The following GLIS3 variants were observed in gnomAD, a reference collection of about 807,000 sequenced individuals.
The protein encoded by GLIS3 is zinc finger protein GLIS3.
A neutral mutation model predicts 78.6 loss-of-function variants in GLIS3; 53 were observed. The observed-to-expected ratio is 0.67, with a 90% CI of 0.54 to 0.85. The LOEUF is 0.85. GLIS3 is among the 40% of genes least tolerant of loss of function. The probability of loss-of-function intolerance (pLI) is 0.00; values close to 1 mark genes in which losing one functional copy is unlikely to be tolerated. For missense variants in GLIS3, 1,703 were observed against 1,231.1 expected (o/e 1.38, Z -5.74); for synonymous variants, 684 against 509.9 (o/e 1.34, Z -4.60).
At chr9:4,471,574 T>C in the GLIS3 span, among the ~76,000 whole-genome samples, 2 of 152,086 alleles carry the variant, frequency 1.3e-5, no homozygotes, top group African/African-American at 4.8e-5. Context: ...TGAAATTGGA[T>C]CCCTTCCTTA....
At chr9:4,011,800 T>C (rs1174567806) in intron 4 of GLIS3, among the ~76,000 whole-genome samples, 3 of 152,356 alleles carry the variant, frequency 2.0e-5, no homozygotes. Flanking sequence ...CCTGAAACTC[T>C]AGGTATTCAT....
intron 2 of GLIS3, among the ~76,000 whole-genome samples, chr9:4,311,798 G>C (rs1056974414): frequency 7.2e-5 from 11 of 152,224 alleles, no homozygotes; most frequent in Non-Finnish European, 1.5e-4. Context: ...CAGGAGCAGG[G>C]AAAGTGGTTA....
chr9:4,414,688 C>T, the GLIS3 span, among the ~76,000 whole-genome samples: 13 of 152,154 alleles, frequency 8.5e-5, no homozygotes, highest in East Asian at 1.4e-3. Context: ...CCTCCTAGCC[C>T]ATCTGTGCAC....
chr9:3,993,363 G>T (rs991006983), intron 4 of GLIS3, among the ~76,000 whole-genome samples: 1 of 152,044 alleles, frequency 6.6e-6, no homozygotes, highest in South Asian at 2.1e-4. Context: ...TTTAAAAGTA[G>T]CTTATTTTCT....
intron 2 of GLIS3, among the ~76,000 whole-genome samples, chr9:4,251,790 G>C (rs1400618478): frequency 6.6e-6 from 1 of 152,156 alleles, no homozygotes; most frequent in African/African-American, 2.4e-5. Flanking sequence ...GCTTTTGTAA[G>C]GCAGGCCTGG....
chr9:4,437,043 G>T, the GLIS3 span, among the ~76,000 whole-genome samples: 136 of 152,210 alleles, frequency 8.9e-4, 1 homozygote, highest in African/African-American at 3.1e-3. Context: ...AGAAGAGGAA[G>T]AATTTTCTAG....
chr9:4,179,210 G>C (rs1471231538), intron 2 of GLIS3, among the ~76,000 whole-genome samples: 1 of 152,188 alleles, frequency 6.6e-6, no homozygotes, highest in Non-Finnish European at 1.5e-5. Flanking sequence ...CCAAACATGA[G>C]AAACTTATTA....
chr9:4,069,332 A>G (rs1035580574), intron 4 of GLIS3, among the ~76,000 whole-genome samples: 2 of 152,208 alleles, frequency 1.3e-5, no homozygotes, highest in Admixed American at 6.5e-5. Flanking sequence ...TAGCTGAGCT[A>G]TTGGATCGGC....
At chr9:4,064,500 G>C (rs1826927738) in intron 4 of GLIS3, among the ~76,000 whole-genome samples, 1 of 152,062 alleles carries the variant, frequency 6.6e-6, no homozygotes, top group Admixed American at 6.6e-5. Context: ...TTTTATTTCA[G>C]AAAATATACC....
At chr9:4,384,564 CT>C in the GLIS3 span, among the ~76,000 whole-genome samples, 1 of 149,132 alleles carries the variant, frequency 6.7e-6, no homozygotes, top group African/African-American at 2.5e-5. Flanking sequence ...TATAAAACCT[CT>C]TTCCTTTATA....
chr9:4,090,414 C>A (rs757202299), intron 4 of GLIS3, among the ~76,000 whole-genome samples: 15 of 150,210 alleles, frequency 1.0e-4, no homozygotes, highest in African/African-American at 1.5e-4. Flanking sequence ...CAGGATGTGA[C>A]AAAGAATCTG....
chr9:4,360,040 T>G, the GLIS3 span, among the ~76,000 whole-genome samples: 1 of 152,006 alleles, frequency 6.6e-6, no homozygotes, highest in African/African-American at 2.4e-5. Context: ...AAAAAAAAAT[T>G]ACACAAATTG....
intron 9 of GLIS3, among the ~76,000 whole-genome samples, chr9:3,839,989 A>C (rs1818615092): frequency 6.6e-6 from 1 of 152,190 alleles, no homozygotes; most frequent in South Asian, 2.1e-4. Flanking sequence ...CATCCATTGC[A>C]TTAACGACTT....
In GLIS3 at chr9:3,928,049, A is replaced by G. The variant is rs1280543554; in HGVS notation, c.1983+4311T>C. On this transcript the variant is annotated intron_variant, in intron 6 of 10. Transcript: ENST00000381971. ...TCACCATCATTTTGAGGTGTGAGGT[A>G]AGTAATGCATCATCAACAATGATTA... Among the ~76,000 whole-genome samples the G allele has an allele frequency of 2.0e-5, 3 of 152,212 alleles. No individual in the cohort carries two copies. The East Asian group carries it at 5.8e-4, about 29-fold the overall frequency.
chr9:4,265,506 T>G (rs927950650), intron 2 of GLIS3, among the ~76,000 whole-genome samples: 1 of 152,108 alleles, frequency 6.6e-6, no homozygotes, highest in Admixed American at 6.5e-5. Context: ...TGCTGTGCTA[T>G]ATACTGCCTC....
chr9:4,250,996 T>C (rs1451877551), intron 2 of GLIS3, among the ~76,000 whole-genome samples: 3 of 152,244 alleles, frequency 2.0e-5, no homozygotes, highest in African/African-American at 4.8e-5. Context: ...TCCATTCTTT[T>C]GCATTTGCTG....
chr9:4,050,536 T>C lies in GLIS3; in HGVS notation c.1710+67232A>G, dbSNP rs1825675745. 3.3e-5 allele frequency among the ~76,000 whole-genome samples: 5 copies of C among 152,224 alleles called. No individual in the cohort carries two copies. In the South Asian group the frequency reaches 1.0e-3, roughly 32 times the overall value. On this transcript the variant is annotated intron_variant, in intron 4 of 10. Transcript: ENST00000381971. The stretch of plus-strand genomic sequence containing the variant: ...GGGTGCAGCAAGCCAACATGGCACA[T>C]GTATACCCATGTATCAAACCTGCAG...
At chr9:4,459,160 A>G in the GLIS3 span, among the ~76,000 whole-genome samples, 1 of 152,232 alleles carries the variant, frequency 6.6e-6, no homozygotes, top group South Asian at 2.1e-4. Context: ...ACCATTGAAT[A>G]ATCCTTGTAA....
At position 3,828,254 on chromosome 9, in the gene GLIS3, G is replaced by T; in HGVS notation, c.*18C>A. 2.5e-6 allele frequency: 4 copies of T among 1,613,916 alleles called. No homozygotes were observed. Among genetic ancestry groups the T allele is most frequent in the Non-Finnish European group, 3.4e-6 (4 of 1,179,968 alleles). On this transcript the variant is annotated 3_prime_UTR_variant, in exon 11 of 11. Coordinates refer to ENST00000381971, the MANE Select transcript of GLIS3 (RefSeq NM_001042413.2). ...CAACATCAAGGTCCTGGGTGTGCAG[G>T]AGTGGCCAAGAGAGCTTTTAGCCTT...
Sources: gnomAD v4.1 joint callset for allele counts (sites outside exome capture counted in the v4.1 genomes callset) on GRCh38, gnomAD v4.1.1 for gene constraint, MANE v1.5 for transcripts, NCBI Gene and HGNC (gene_info 2026-07-23, HGNC 2026-07-21) for gene names.